The following SARDH variants were observed in gnomAD, a reference collection of about 807,000 sequenced individuals.
The protein encoded by SARDH is sarcosine dehydrogenase, mitochondrial.
A neutral mutation model predicts 109.1 loss-of-function variants in SARDH; 95 were observed. The observed-to-expected ratio is 0.87, with a 90% CI of 0.74 to 1.03. The LOEUF is 1.03. SARDH is among the 50% of genes least tolerant of loss of function. The pLI, the probability that SARDH is intolerant of heterozygous loss-of-function variation, is 0.00. For synonymous variants in SARDH, 572 were observed against 534.8 expected, an observed-to-expected ratio of 1.07 and a Z score of -0.96; for missense variants, 1,267 against 1,287.8, an observed-to-expected ratio of 0.98 and a Z score of 0.25.
intron 14 of SARDH, among the ~76,000 whole-genome samples, chr9:133,695,702 C>A (rs1397376262): frequency 9.2e-6 from 1 of 108,726 alleles, no homozygotes; most frequent in Non-Finnish European, 1.7e-5. Context: ...GCCCAGAACA[C>A]TCATGAAGAT....
Position 133,712,869 on chromosome 9 carries a change from AC to A in SARDH, c.1238-161del. 1.1e-6 allele frequency: 1 copy of A among 918,210 alleles called. No individual in the cohort carries two copies. The highest frequency in any genetic ancestry group is 1.7e-6 in the Non-Finnish European group (1 of 599,234). 56.9% of individuals were successfully genotyped at this position (918,210 alleles called of 1,614,324 possible). A position where few individuals can be genotyped will look rare whatever the true frequency, so the allele number is the denominator to read the frequency against. On this transcript the variant is annotated intron_variant, in intron 9 of 20. Transcript: ENST00000439388. This position sits in a 1 kb window ranked among gnomAD's most constrained non-coding sequence, Gnocchi z 4.1. ...CCTGATTGGACTGCTGCTGGACTGG[AC>A]CCTGGCACAGGTGCACTCTCTGGGA...
At position 133,728,234 on chromosome 9, in the gene SARDH, C is replaced by A. The variant is rs1048104820; in HGVS notation, c.915+1531G>T. ...AGTCAGAGGCAGCAGCGCACTGGGA[C>A]CCAGGTTCCGGCCCCATTTCGCCAC... is the stretch of plus-strand genomic sequence containing the variant. On this transcript the variant is annotated intron_variant, in intron 6 of 20. Coordinates refer to ENST00000439388, the MANE Select transcript of SARDH (RefSeq NM_001134707.2). The surrounding 1 kb of genome is among the most constrained non-coding windows in gnomAD (Gnocchi z 5.0). Among the ~76,000 whole-genome samples, 2 of 152,174 alleles carry A rather than the reference C, an allele frequency of 1.3e-5. No individual in the cohort carries two copies. Among genetic ancestry groups the A allele is most frequent in the African/African-American group, 4.8e-5 (2 of 41,432 alleles).
intron 2 of SARDH, 35 bp downstream of exon 2, chr9:133,733,808 T>A (rs1832767509): frequency 6.9e-7 from 1 of 1,440,746 alleles, no homozygotes; most frequent in Non-Finnish European, 9.2e-7. Context: ...CTATGTCCTA[T>A]CCTTCCCTGC....
intron 20 of SARDH, among the ~76,000 whole-genome samples, chr9:133,665,798 T>C (rs1297203615): frequency 6.6e-6 from 1 of 152,216 alleles, no homozygotes; most frequent in Non-Finnish European, 1.5e-5. Flanking sequence ...CCCCTCCTCA[T>C]GGCTTCTCCC....
At chr9:133,735,633 G>A (rs1832858343) in intron 1 of SARDH, among the ~76,000 whole-genome samples, 1 of 152,212 alleles carries the variant, frequency 6.6e-6, no homozygotes, top group Non-Finnish European at 1.5e-5. Flanking sequence ...AAGCAAAGCT[G>A]TCTGCAGTAG....
rs922433736 is a variant in SARDH, at chr9:133,686,164, A to C, written c.2070-878T>G. Reference sequence around the variant, plus strand: ...ACTTGCTGGGTCCACCCCTGCTTTTAAGCTCTGCGAGGGTGGGGATTCGCT... The same window carrying C: ...ACTTGCTGGGTCCACCCCTGCTTTTCAGCTCTGCGAGGGTGGGGATTCGCT... On this transcript the variant is annotated intron_variant, in intron 16 of 20. Transcript: ENST00000439388. The surrounding 1 kb of genome is among the most constrained non-coding windows in gnomAD (Gnocchi z 4.0). Among the ~76,000 whole-genome samples the C allele has an allele frequency of 9.9e-5, 15 of 151,958 alleles. No homozygotes were observed. Among genetic ancestry groups the C allele is most frequent in the African/African-American group, 3.6e-4 (15 of 41,348 alleles).
rs1830883153 is a variant in SARDH, at chr9:133,686,286, C to CA, written c.2070-1001dup. On this transcript the variant is annotated intron_variant, in intron 16 of 20. Transcript: ENST00000439388. The surrounding 1 kb of genome is among the most constrained non-coding windows in gnomAD (Gnocchi z 4.0). Reference sequence around the variant, plus strand: ...ACTGGAGCCAACACCCATGGTCTCCCAGGAAGCCCTCACCTCCTGGGCACC... The same window carrying CA: ...ACTGGAGCCAACACCCATGGTCTCCCAAGGAAGCCCTCACCTCCTGGGCACC... Among the ~76,000 whole-genome samples, 1 of 152,068 alleles carries CA rather than the reference C, an allele frequency of 6.6e-6. No homozygotes were observed. Among genetic ancestry groups the CA allele is most frequent in the Admixed American group, 6.6e-5 (1 of 15,266 alleles).
Position 133,668,021 on chromosome 9 carries a change from G to C in SARDH, c.2496-1151C>G, listed in dbSNP as rs1349786261. Among the ~76,000 whole-genome samples the C allele has an allele frequency of 7.2e-5, 11 of 152,180 alleles. No individual in the cohort carries two copies. The East Asian group carries it at 1.7e-3, about 24-fold the overall frequency. On this transcript the variant is annotated intron_variant, in intron 19 of 20. Transcript: ENST00000439388. ...CAGCCTGACAGGAAACCCCTGAGCA[G>C]AGCGCACTGGGTCACAGGGGCCGTC...
chr9:133,723,203 A>T (rs1266431978), intron 6 of SARDH, among the ~76,000 whole-genome samples: 4 of 152,212 alleles, frequency 2.6e-5, no homozygotes, highest in East Asian at 1.9e-4. Flanking sequence ...AGCTGACAAC[A>T]CACCCCAAAT....
At chr9:133,662,310 A>G (rs549882373), downstream of SARDH, among the ~76,000 whole-genome samples, 45 of 152,116 alleles carry the variant, frequency 3.0e-4, no homozygotes, top group Non-Finnish European at 4.6e-4. The surrounding 1 kb of genome is among the most constrained non-coding windows in gnomAD (Gnocchi z 5.1). Flanking sequence ...GCCTTCCCCC[A>G]GGGATGGGCC....
In SARDH at chr9:133,663,651, C is replaced by A; in HGVS notation, c.*238G>T. The A allele has an allele frequency of 1.8e-6, 1 of 559,782 alleles. No homozygotes were observed. Among genetic ancestry groups the A allele is most frequent in the South Asian group, 2.4e-5 (1 of 41,808 alleles). The allele number at this position is 559,782 out of a possible 1,614,324, so 34.7% of individuals were successfully genotyped here. Reference sequence around the variant, plus strand: ...ATGGTCCCTGAGCCCAAGACACTTACAGGTTTGCTTTCTGGGAGGATTGGG... The same window carrying A: ...ATGGTCCCTGAGCCCAAGACACTTAAAGGTTTGCTTTCTGGGAGGATTGGG... On this transcript the variant is annotated 3_prime_UTR_variant, in exon 21 of 21. Transcript: ENST00000439388.
intron 16 of SARDH, among the ~76,000 whole-genome samples, chr9:133,688,222 G>A (rs1435194553): frequency 6.6e-6 from 1 of 152,168 alleles, no homozygotes; most frequent in African/African-American, 2.4e-5. Context: ...GCGGCTGCCT[G>A]TGGGCCAGGC....
Position 133,663,985 on chromosome 9 carries a change from G to C in SARDH, c.2661C>G (p.Asp887Glu). The C allele has an allele frequency of 1.9e-6, 3 of 1,614,172 alleles. No homozygotes were observed. The highest frequency in any genetic ancestry group is 3.3e-5 in the Admixed American group (2 of 60,022). The change falls in exon 21 of 21, where the codon GAC (aspartate) becomes GAG (glutamate). Residue 887 changes from aspartate to glutamate, a missense_variant. Transcript: ENST00000439388. ...PVSLDFVKSG[D>E]YALERMGVTY... ...TCACCCCCATTCTCTCCAGGGCATA[G>C]TCCCCGCTCTTCACAAAGTCCAGCG...
intron 13 of SARDH, among the ~76,000 whole-genome samples, chr9:133,697,753 T>C (rs1396636736): frequency 6.6e-6 from 1 of 152,084 alleles, no homozygotes; most frequent in Non-Finnish European, 1.5e-5. Flanking sequence ...ACTAGGACTA[T>C]AAGGGAGCTT....
In SARDH at chr9:133,690,534, G is replaced by T; in HGVS notation, c.1922-7C>A. The T allele has an allele frequency of 6.3e-7, 1 of 1,593,898 alleles. No homozygotes were observed. Among genetic ancestry groups the T allele is most frequent in the Non-Finnish European group, 8.5e-7 (1 of 1,172,432 alleles). ...GCCAGGTAGTAACCGTCCCCTGGAA[G>T]AGAGGCACCTGGACTTAGAGCAGGA... On this transcript the variant is annotated splice_polypyrimidine_tract_variant and splice_region_variant and intron_variant, in intron 15 of 20. Transcript: ENST00000439388.
At chr9:133,713,546 A>G (rs1832009202) in intron 8 of SARDH, among the ~76,000 whole-genome samples, 1 of 152,154 alleles carries the variant, frequency 6.6e-6, no homozygotes, top group South Asian at 2.1e-4. Flanking sequence ...TTCTCACTCC[A>G]CTTCCCCCCG....
At chr9:133,708,051 C>G (rs10821518) in intron 11 of SARDH, among the ~76,000 whole-genome samples, 65,715 of 152,070 alleles carry the variant, frequency 0.43, 14,226 homozygotes, top group South Asian at 0.54. Context: ...TCCTCCACTA[C>G]AACAGAAGCC....
chr9:133,660,660 C>T (rs1324564564), downstream of SARDH, among the ~76,000 whole-genome samples: 4 of 152,098 alleles, frequency 2.6e-5, no homozygotes, highest in South Asian at 2.1e-4. Context: ...ATCTGCCCAC[C>T]GAGGAGAGGG....
chr9:133,663,435 G>A (rs140496390), downstream of SARDH: 4 of 238,054 alleles, frequency 1.7e-5, no homozygotes, highest in East Asian at 1.8e-4. Flanking sequence ...GGCAGACAAT[G>A]CCAGTCGATC....
Sources: allele counts gnomAD v4.1 joint callset (sites outside exome capture counted in the v4.1 genomes callset), GRCh38; gene constraint gnomAD v4.1.1; non-coding constraint Gnocchi (gnomAD v3.1); transcripts MANE v1.5; gene names NCBI Gene and HGNC (gene_info 2026-07-23, HGNC 2026-07-21).